The following GALNT2 variants were observed in gnomAD, a reference collection of about 807,000 sequenced individuals.
The protein encoded by GALNT2 is UDP-GalNAc:polypeptide N-acetylgalactosaminyltransferase 2.
Under a neutral mutation model 81.4 loss-of-function variants are expected in GALNT2, and 31 were observed. The observed-to-expected ratio is 0.38, with a 90% CI of 0.29 to 0.51. GALNT2 has a LOEUF of 0.51. GALNT2 is among the 20% of genes least tolerant of loss of function. The pLI is 0.87. For synonymous variants in GALNT2, 303 were observed against 287.4 expected, an observed-to-expected ratio of 1.05 and a Z score of -0.55; for missense variants, 629 against 765.7, an observed-to-expected ratio of 0.82 and a Z score of 2.11.
chr1:230,115,472 G>A (rs1660818416), intron 1 of GALNT2, among the ~76,000 whole-genome samples: 2 of 152,094 alleles, frequency 1.3e-5, no homozygotes, highest in African/African-American at 4.8e-5. Context: ...CTGTGAATAG[G>A]GCAGTAGCCT....
At chr1:230,200,988 G>A (rs746954067) in intron 2 of GALNT2, among the ~76,000 whole-genome samples, 3 of 152,168 alleles carry the variant, frequency 2.0e-5, no homozygotes, top group Non-Finnish European at 4.4e-5. Flanking sequence ...GTATTAGTCC[G>A]TGAAAGGATA....
intron 1 of GALNT2, among the ~76,000 whole-genome samples, chr1:230,169,053 T>C (rs1026904963): frequency 2.0e-5 from 3 of 152,170 alleles, no homozygotes; most frequent in African/African-American, 7.2e-5. Context: ...CTGGGGTTTG[T>C]TTGATGTTTT....
At chr1:230,136,356 T>C (rs1261040121) in intron 1 of GALNT2, among the ~76,000 whole-genome samples, 1 of 152,188 alleles carries the variant, frequency 6.6e-6, no homozygotes, top group African/African-American at 2.4e-5. Flanking sequence ...CTGATAACCC[T>C]GCCATAGAGC....
chr1:230,108,037 G>T (rs1166477519), intron 1 of GALNT2, among the ~76,000 whole-genome samples: 1 of 152,168 alleles, frequency 6.6e-6, no homozygotes, highest in Admixed American at 6.5e-5. Context: ...CCCAGGCTTG[G>T]GCAGACTCAT....
intron 2 of GALNT2, among the ~76,000 whole-genome samples, chr1:230,178,650 A>G (rs57992758): frequency 0.23 from 35,042 of 152,006 alleles, 4,896 homozygotes; most frequent in African/African-American, 0.39. Context: ...GGGAAGGTAC[A>G]GAGAATTCCT....
intron 2 of GALNT2, among the ~76,000 whole-genome samples, chr1:230,187,819 T>C (rs1663383310): frequency 6.6e-6 from 1 of 152,094 alleles, no homozygotes; most frequent in South Asian, 2.1e-4. Flanking sequence ...CAAACTCTTC[T>C]CCAAAGTCCT....
chr1:230,265,360 G>A lies in GALNT2; in HGVS notation c.1433G>A (p.Gly478Glu). 1 of 1,614,232 alleles carries A rather than the reference G, an allele frequency of 6.2e-7. No homozygotes were observed. The highest frequency in any genetic ancestry group is 8.5e-7 in the Non-Finnish European group (1 of 1,180,038). The change falls in exon 14 of 16, where the codon GGA (glycine) becomes GAA (glutamate). Residue 478 changes from glycine (G) to glutamate (E), a missense_variant. Gly to Glu is a moderately conservative substitution (Grantham distance 98). This residue lies in a region of GALNT2 where 207 missense variants were observed against 225.5 expected (regional missense o/e 0.92). Coordinates refer to ENST00000366672, the MANE Select transcript of GALNT2 (RefSeq NM_004481.5). ...VGVYECHNAGGNQEWALTKEK... is the reference protein window; with the variant it reads ...VGVYECHNAGENQEWALTKEK... ...GTTTATGAATGTCACAATGCTGGGG[G>A]AAACCAGGTATGTGCATGGGGAAGC... is the stretch of plus-strand genomic sequence containing the variant.
intron 3 of GALNT2, among the ~76,000 whole-genome samples, chr1:230,224,886 A>G (rs1480023761): frequency 6.6e-6 from 1 of 151,942 alleles, no homozygotes; most frequent in Non-Finnish European, 1.5e-5. Flanking sequence ...TCCGACTCCT[A>G]TACGTTGCAG....
At chr1:230,104,002 C>T (rs1356243298) in intron 1 of GALNT2, among the ~76,000 whole-genome samples, 2 of 152,110 alleles carry the variant, frequency 1.3e-5, no homozygotes, top group Non-Finnish European at 1.5e-5. Flanking sequence ...CACAGAGCCC[C>T]GTATCAGGTT....
chr1:230,084,822 A>G (rs1333711690), intron 1 of GALNT2, among the ~76,000 whole-genome samples: 1 of 152,180 alleles, frequency 6.6e-6, no homozygotes, highest in Non-Finnish European at 1.5e-5. Context: ...GTTTGGCAGC[A>G]TGCTTGGGAG....
chr1:230,109,566 G>A (rs933923606), intron 1 of GALNT2, among the ~76,000 whole-genome samples: 13 of 152,174 alleles, frequency 8.5e-5, no homozygotes, highest in Non-Finnish European at 1.3e-4. Context: ...AGTGGCTCAC[G>A]CATGTAATCC....
At chr1:230,107,128 G>C (rs572166214) in intron 1 of GALNT2, among the ~76,000 whole-genome samples, 107 of 152,346 alleles carry the variant, frequency 7.0e-4, no homozygotes, top group African/African-American at 2.5e-3. Flanking sequence ...TTTTGGAATA[G>C]ACAATCTTAA....
rs1217787027 is a variant in GALNT2 at position 230,275,972 on chromosome 1, CAT to C, written c.1560+1416_1560+1417del. Among the ~76,000 whole-genome samples, 5 of 77,688 alleles carry C rather than the reference CAT, an allele frequency of 6.4e-5. No individual in the cohort carries two copies. The highest frequency in any genetic ancestry group is 3.1e-4 in the African/African-American group (4 of 12,914). 51.0% of individuals were successfully genotyped at this position (77,688 alleles called of 152,430 possible). On this transcript the variant is annotated intron_variant, in intron 15 of 15. Transcript: ENST00000366672. This position sits in a 1 kb window ranked among gnomAD's most constrained non-coding sequence, Gnocchi z 5.5. ...TATATATACGTATATATACATGCCA[CAT>C]ATATATACGTATATATACATGCCAC... is the stretch of plus-strand genomic sequence containing the variant.
intron 1 of GALNT2, among the ~76,000 whole-genome samples, chr1:230,079,751 G>A (rs1225750484): frequency 6.6e-6 from 1 of 152,206 alleles, no homozygotes; most frequent in Non-Finnish European, 1.5e-5. Flanking sequence ...GATGGTCTAA[G>A]CTCCAGGCCT....
chr1:230,197,781 C>T (rs971475579), intron 2 of GALNT2, among the ~76,000 whole-genome samples: 3 of 151,998 alleles, frequency 2.0e-5, no homozygotes, highest in Non-Finnish European at 2.9e-5. Context: ...TGCGTACATG[C>T]GTGCGTGTGT....
intron 1 of GALNT2, among the ~76,000 whole-genome samples, chr1:230,121,561 G>A (rs1006653639): frequency 1.3e-5 from 2 of 152,198 alleles, no homozygotes; most frequent in Admixed American, 1.3e-4. Flanking sequence ...AATACTCAAG[G>A]CAAGGTTTGA....
chr1:230,255,202 T>C lies in GALNT2; in HGVS notation c.1010-16T>C. The C allele has an allele frequency of 6.2e-7, 1 of 1,614,204 alleles. No individual in the cohort carries two copies. Among genetic ancestry groups the C allele is most frequent in the Non-Finnish European group, 8.5e-7 (1 of 1,180,030 alleles). ...CCAGGCTCTGTCAGTCACCTGTGTC[T>C]TGTTCATCGTCTCAGAGATCTCGTT... is the stretch of plus-strand genomic sequence containing the variant. On this transcript the variant is annotated splice_polypyrimidine_tract_variant and intron_variant, in intron 10 of 15. Coordinates refer to ENST00000366672, the MANE Select transcript of GALNT2 (RefSeq NM_004481.5).
Position 230,198,205 on chromosome 1 carries a change from G to A in GALNT2, c.221-4932G>A, listed in dbSNP as rs192425489. ...CCCTTAACAGGTGCTTGTGGACTGC[G>A]CATGTGGGATGCTGAGGTGCTGCGG... is the stretch of plus-strand genomic sequence containing the variant. On this transcript the variant is annotated intron_variant, in intron 2 of 15. Coordinates refer to ENST00000366672, the MANE Select transcript of GALNT2 (RefSeq NM_004481.5). 2.0e-3 allele frequency among the ~76,000 whole-genome samples: 312 copies of A among 152,332 alleles called. 1 individual carries two copies. The highest frequency in any genetic ancestry group is 3.0e-3 in the Non-Finnish European group (207 of 68,042).
intron 11 of GALNT2, 198 bp from the exon 12 acceptor site, chr1:230,262,375 G>A (rs920434117): frequency 2.2e-5 from 12 of 552,328 alleles, no homozygotes; most frequent in Admixed American, 3.2e-5. Flanking sequence ...GTAAGCACCC[G>A]CTGAGGCTGG....
Sources: allele counts gnomAD v4.1 joint callset (sites outside exome capture counted in the v4.1 genomes callset), GRCh38; gene constraint gnomAD v4.1.1; regional missense constraint gnomAD v4.1.1; non-coding constraint Gnocchi (gnomAD v3.1); transcripts MANE v1.5; gene names NCBI Gene and HGNC (gene_info 2026-07-23, HGNC 2026-07-21).